The following PCNX1 variants were observed in gnomAD, a reference collection of about 807,000 sequenced individuals.
PCNX1 encodes pecanex 1.
PCNX1 carries 78 observed loss-of-function variants against 242.2 expected under a neutral mutation model. That is an observed-to-expected ratio of 0.32 (90% CI 0.27 to 0.39). PCNX1 has a LOEUF of 0.39. Ranked by LOEUF, PCNX1 falls within the 10% of genes least tolerant of loss-of-function variation. The pLI, the probability that PCNX1 is intolerant of heterozygous loss-of-function variation, is 1.00. For missense variants in PCNX1, 2,581 were observed against 2,856.5 expected (o/e 0.90, Z 2.20); for synonymous variants, 1,024 against 1,032.9 (o/e 0.99, Z 0.17).
chr14:71,036,367 T>C (rs2060532364), intron 19 of PCNX1, among the ~76,000 whole-genome samples: 1 of 152,114 alleles, frequency 6.6e-6, no homozygotes, highest in African/African-American at 2.4e-5. Context: ...TTGTAGAAAC[T>C]GAGTCTTGTT....
Position 71,102,031 on chromosome 14 carries a change from G to A in PCNX1, c.5631G>A (p.Val1877=). 6.2e-7 allele frequency: 1 copy of A among 1,612,870 alleles called. No homozygotes were observed. The highest frequency in any genetic ancestry group is 8.5e-7 in the Non-Finnish European group (1 of 1,179,058). ...TSPDEYDDPT[V]LYEAIVSHEK... ...CAGATGAATATGATGACCCTACTGT[G>A]CTCTATGAAGCCATAGTATCTCATG... The change falls in exon 31 of 36, where the codon GTG becomes GTA. Residue 1877 remains valine, a synonymous_variant. Coordinates refer to ENST00000304743, the MANE Select transcript of PCNX1 (RefSeq NM_014982.3).
At position 71,034,047 on chromosome 14, in the gene PCNX1, A is replaced by C. The variant is rs2060463869; in HGVS notation, c.3774+11A>C. On this transcript the variant is annotated intron_variant, in intron 18 of 35. Transcript: ENST00000304743. The stretch of plus-strand genomic sequence containing the variant: ...CTTAGAAATTCTGTTGTAAGTTTTA[A>C]CATTTAGAATCACCTAAAAGACTTA... The C allele has an allele frequency of 1.4e-6, 2 of 1,425,658 alleles. No homozygotes were observed. Among genetic ancestry groups the C allele is most frequent in the Non-Finnish European group, 2.0e-6 (2 of 1,013,668 alleles). 88.3% of individuals were successfully genotyped at this position (1,425,658 alleles called of 1,614,324 possible).
intron 22 of PCNX1, 119 bp from the exon 23 acceptor site, chr14:71,050,533 A>G (rs2060997394): frequency 2.5e-6 from 2 of 813,520 alleles, no homozygotes; most frequent in Admixed American, 3.3e-5. Context: ...AATAATTTCA[A>G]TGCCATTTCC....
intron 7 of PCNX1, among the ~76,000 whole-genome samples, chr14:70,989,533 A>ATTT: frequency 8.2e-6 from 1 of 121,814 alleles, no homozygotes; most frequent in African/African-American, 3.3e-5. Context: ...AACAGATATA[A>ATTT]ATTTTTTTTT....
chr14:70,949,151 T>A (rs2057625747), intron 2 of PCNX1, among the ~76,000 whole-genome samples: 1 of 148,572 alleles, frequency 6.7e-6, no homozygotes, highest in African/African-American at 2.5e-5. Flanking sequence ...TATGTATATG[T>A]GTATATATAC....
intron 6 of PCNX1, 84 bp from the exon 7 acceptor site, chr14:70,988,482 TG>T: frequency 7.1e-7 from 1 of 1,401,834 alleles, no homozygotes; most frequent in Non-Finnish European, 9.9e-7. Context: ...CCCATGAGGG[TG>T]GGAAGTCAAG....
intron 1 of PCNX1, among the ~76,000 whole-genome samples, chr14:70,938,754 G>T (rs1196206607): frequency 1.3e-5 from 2 of 152,124 alleles, no homozygotes; most frequent in African/African-American, 4.8e-5. Flanking sequence ...GAATCCCTTT[G>T]GTCCTGGACT....
intron 27 of PCNX1, 24 bp downstream of exon 27, chr14:71,073,822 T>G: frequency 1.3e-6 from 2 of 1,522,190 alleles, no homozygotes; most frequent in South Asian, 1.4e-5. Context: ...CCTACTTAGA[T>G]CTTTAGATAA....
rs143888894 is a variant in PCNX1, at chr14:70,982,018, A to G, written c.2311+3370A>G. ...TGTAAGCATGAAATAGGATCCTAATATAATATTGTGTTGGGAACCAAAAAT... is the reference window on the plus strand; with the variant it reads ...TGTAAGCATGAAATAGGATCCTAATGTAATATTGTGTTGGGAACCAAAAAT... On this transcript the variant is annotated intron_variant, in intron 6 of 35. Transcript: ENST00000304743. 3.3e-5 allele frequency among the ~76,000 whole-genome samples: 5 copies of G among 152,306 alleles called. No individual in the cohort carries two copies. In the East Asian group the frequency reaches 9.6e-4, roughly 29 times the overall value.
At chr14:70,932,950 C>G (rs1318787851) in intron 1 of PCNX1, among the ~76,000 whole-genome samples, 1 of 152,078 alleles carries the variant, frequency 6.6e-6, no homozygotes, top group African/African-American at 2.4e-5. Flanking sequence ...TTTTATGGAA[C>G]CAATTGCATT....
In PCNX1 at chr14:71,046,992, A is replaced by C; in HGVS notation, c.4047A>C (p.Lys1349Asn). Residue 1349 changes from lysine (K) to asparagine (N), a missense_variant, in exon 21 of 36, where the codon AAA (lysine) becomes AAC (asparagine). Lys to Asn is a moderately conservative substitution (Grantham distance 94). Transcript: ENST00000304743. Reference protein sequence around the residue: ...RNAATMMWFEKLHVWLLFVEK... With the variant: ...RNAATMMWFENLHVWLLFVEK... ...CAGCCACTATGATGTGGTTTGAGAA[A>C]CTTCATGTGTGGCTTCTTTTTGTGG... 1 of 1,610,394 alleles carries C rather than the reference A, an allele frequency of 6.2e-7. No individual in the cohort carries two copies. Among genetic ancestry groups the C allele is most frequent in the Non-Finnish European group, 8.5e-7 (1 of 1,177,902 alleles).
rs751631203 is a variant in PCNX1 at position 71,108,800 on chromosome 14, A to T, written c.6498A>T (p.Gln2166His). 6.2e-6 allele frequency: 10 copies of T among 1,614,096 alleles called. No individual in the cohort carries two copies. In the Admixed American group the frequency reaches 1.7e-4, roughly 27 times the overall value. Residue 2166 changes from glutamine to histidine, a missense_variant, in exon 34 of 36, where the codon CAA becomes CAT. By Grantham distance (24) the Gln-to-His change is conservative (BLOSUM62 0). This residue lies in a region of PCNX1 where 432 missense variants were observed against 433.6 expected (regional missense o/e 1.00). Coordinates refer to ENST00000304743, the MANE Select transcript of PCNX1 (RefSeq NM_014982.3). ...TTCGAAACTTGCCATCATCCATCCA[A>T]TCCCGACTGTCGATGGTGAACCAAA... ...ISLRNLPSSI[Q>H]SRLSMVNQME... is the part of the protein sequence containing the mutation.
Position 70,977,570 on chromosome 14 carries a change from G to GAGCA in PCNX1, c.1234_1237dup (p.Ile413LysfsTer7). On this transcript the variant is annotated frameshift_variant, in exon 6 of 36. Transcript: ENST00000304743. LOFTEE classifies it high-confidence loss of function. ...AGCAGACCAGCTCAACTCACATAGA[G>GAGCA]AGCATCCTGTCAGAGCATGAGGAGT... 6.2e-7 allele frequency: 1 copy of GAGCA among 1,614,226 alleles called. No individual in the cohort carries two copies. Among genetic ancestry groups the GAGCA allele is most frequent in the Non-Finnish European group, 8.5e-7 (1 of 1,180,040 alleles).
At position 71,086,026 on chromosome 14, in the gene PCNX1, A is replaced by G. The variant is rs74835223; in HGVS notation, c.5338-2304A>G. On this transcript the variant is annotated intron_variant, in intron 28 of 35. Coordinates refer to ENST00000304743, the MANE Select transcript of PCNX1 (RefSeq NM_014982.3). ...TATTTTCAGTCTTTTTTCTCTCTGT[A>G]TTTCATTTTGCATAGTTTCTCTTGC... Among the ~76,000 whole-genome samples the G allele has an allele frequency of 9.2e-5, 14 of 151,968 alleles. No homozygotes were observed. In the East Asian group the frequency reaches 2.7e-3, roughly 29 times the overall value.
intron 4 of PCNX1, 83 bp downstream of exon 4, chr14:70,968,326 AATGTAAT>A (rs2058442314): frequency 3.4e-5 from 25 of 737,592 alleles, no homozygotes; most frequent in Non-Finnish European, 5.6e-5. Context: ...TGTACATTCA[AATGTAAT>A]GAAAAAAATC....
At chr14:70,941,882 G>A (rs987784612) in intron 1 of PCNX1, among the ~76,000 whole-genome samples, 8 of 152,224 alleles carry the variant, frequency 5.3e-5, no homozygotes, top group Admixed American at 4.6e-4. Context: ...ATCTGAGACT[G>A]CTGTGCTAGG....
chr14:70,972,714 A>G (rs2058577035), intron 5 of PCNX1, among the ~76,000 whole-genome samples: 1 of 152,156 alleles, frequency 6.6e-6, no homozygotes, highest in Admixed American at 6.5e-5. Context: ...ATGATTCAGG[A>G]TGACTGGGGG....
chr14:71,052,587 G>A (rs893306806), intron 24 of PCNX1, among the ~76,000 whole-genome samples: 1 of 104,928 alleles, frequency 9.5e-6, no homozygotes, highest in African/African-American at 4.3e-5. Flanking sequence ...TTTTCTTTCA[G>A]TAATATTGAA....
intron 30 of PCNX1, among the ~76,000 whole-genome samples, chr14:71,099,876 A>G (rs1052118973): frequency 5.9e-5 from 9 of 152,174 alleles, no homozygotes; most frequent in African/African-American, 2.2e-4. Flanking sequence ...TTTATCTGAT[A>G]TAGGAATAGT....
Sources: gnomAD v4.1 joint callset for allele counts (sites outside exome capture counted in the v4.1 genomes callset) on GRCh38, gnomAD v4.1.1 for gene constraint, gnomAD v4.1.1 regional missense constraint, MANE v1.5 for transcripts, NCBI Gene and HGNC (gene_info 2026-07-23, HGNC 2026-07-21) for gene names.